The following PPP6R3 variants were observed in gnomAD, a reference collection of about 807,000 sequenced individuals.
The protein encoded by PPP6R3 is protein phosphatase 6 regulatory subunit 3.
In PPP6R3, 38 loss-of-function variants were observed where a neutral mutation model predicts 110.7. The observed-to-expected ratio is 0.34, with a 90% CI of 0.26 to 0.45. The LOEUF (loss-of-function observed/expected upper bound fraction) is 0.45. Among genes scored for constraint, PPP6R3 ranks in the 20% least tolerant of loss-of-function variants. The probability of loss-of-function intolerance (pLI) is 1.00; values close to 1 mark genes in which losing one functional copy is unlikely to be tolerated. For missense variants in PPP6R3, 870 were observed against 1,062.4 expected, an observed-to-expected ratio of 0.82 and a Z score of 2.52; for synonymous variants, 369 against 373.5, an observed-to-expected ratio of 0.99 and a Z score of 0.14.
At chr11:68,462,225 A>G (rs1463816293) in intron 1 of PPP6R3, among the ~76,000 whole-genome samples, 1 of 152,130 alleles carries the variant, frequency 6.6e-6, no homozygotes, top group East Asian at 1.9e-4. Context: ...TTTAGGTACT[A>G]TTGGGAAGTC....
At chr11:68,591,304 C>T (rs563150890) in intron 17 of PPP6R3, among the ~76,000 whole-genome samples, 15 of 152,258 alleles carry the variant, frequency 9.9e-5, no homozygotes, top group Admixed American at 4.6e-4. Flanking sequence ...GGGGAGGCTC[C>T]TGGGATTACA....
chr11:68,596,994 G>C (rs534891563), intron 19 of PPP6R3, among the ~76,000 whole-genome samples: 1 of 152,334 alleles, frequency 6.6e-6, no homozygotes, highest in East Asian at 1.9e-4. Context: ...CGGGATGGGA[G>C]AAGAAGAGAG....
intron 6 of PPP6R3, among the ~76,000 whole-genome samples, chr11:68,553,503 C>T (rs1470410215): frequency 3.3e-5 from 5 of 152,050 alleles, no homozygotes; most frequent in Non-Finnish European, 7.4e-5. Context: ...ATGTTGGTCA[C>T]ACTGGGCTCG....
intron 22 of PPP6R3, among the ~76,000 whole-genome samples, chr11:68,604,169 G>A (rs767967695): frequency 6.6e-6 from 1 of 152,180 alleles, no homozygotes; most frequent in Non-Finnish European, 1.5e-5. Context: ...ACTGACTGTA[G>A]ACTGATTTCA....
At chr11:68,506,397 A>C (rs12804176) in intron 1 of PPP6R3, among the ~76,000 whole-genome samples, 1 of 117,230 alleles carries the variant, frequency 8.5e-6, no homozygotes. Flanking sequence ...GAACTGCTGC[A>C]CCCAGCCCTT....
At chr11:68,532,629 C>G (rs2099247434) in intron 2 of PPP6R3, among the ~76,000 whole-genome samples, 1 of 152,188 alleles carries the variant, frequency 6.6e-6, no homozygotes, top group Non-Finnish European at 1.5e-5. Context: ...TTCCCGTCAC[C>G]TAATGACTGA....
chr11:68,544,119 A>C (rs963040467), intron 3 of PPP6R3, among the ~76,000 whole-genome samples: 1 of 152,186 alleles, frequency 6.6e-6, no homozygotes, highest in Admixed American at 6.5e-5. Flanking sequence ...TGGTTTTGAC[A>C]CAAGGTCTCA....
intron 8 of PPP6R3, among the ~76,000 whole-genome samples, chr11:68,559,472 G>C (rs981842939): frequency 3.9e-5 from 6 of 152,220 alleles, no homozygotes; most frequent in African/African-American, 1.4e-4. Context: ...CATTAAGCAA[G>C]GGATAGAGTG....
At chr11:68,611,046 CAAATT>C (rs773123071) in intron 23 of PPP6R3, among the ~76,000 whole-genome samples, 9 of 152,098 alleles carry the variant, frequency 5.9e-5, no homozygotes, top group Non-Finnish European at 1.0e-4. Flanking sequence ...ATAAAACAAA[CAAATT>C]AAGAACTATT....
chr11:68,590,693 T>C lies in PPP6R3; in HGVS notation c.1764T>C (p.Phe588=). The C allele has an allele frequency of 6.3e-7, 1 of 1,594,974 alleles. No homozygotes were observed. Among genetic ancestry groups the C allele is most frequent in the South Asian group, 1.1e-5 (1 of 88,800 alleles). The change falls in exon 17 of 24, where the codon TTT becomes TTC. Residue 588 remains phenylalanine, a synonymous_variant. Transcript: ENST00000393800. ...VSFDRVSDIN[F]TLNTNESGNI... is the part of the protein sequence containing the mutation. The stretch of plus-strand genomic sequence containing the variant: ...TTGATCGAGTATCAGACATCAACTT[T>C]ACTCTCAATACAAATGAAAGTGTAA...
chr11:68,527,931 T>A (rs1033019426), intron 2 of PPP6R3, among the ~76,000 whole-genome samples: 4 of 152,188 alleles, frequency 2.6e-5, no homozygotes, highest in African/African-American at 9.7e-5. Flanking sequence ...GCAGCTCCAT[T>A]CATCACCTCC....
At chr11:68,607,778 A>G (rs904868540) in intron 22 of PPP6R3, among the ~76,000 whole-genome samples, 2 of 146,378 alleles carry the variant, frequency 1.4e-5, no homozygotes, top group Admixed American at 6.8e-5. Context: ...TCTAATCTAG[A>G]TTTTTTTTTT....
At position 68,481,805 on chromosome 11, in the gene PPP6R3, T is replaced by A. The variant is rs183387379; in HGVS notation, c.-158+20978T>A. 5.3e-5 allele frequency among the ~76,000 whole-genome samples: 8 copies of A among 152,340 alleles called. No individual in the cohort carries two copies. The East Asian group carries it at 1.5e-3, about 29-fold the overall frequency. ...GAGGCAGGTGTGTCTTTATTTTGCT[T>A]GCTGAGTCCCTGCTATTAAATTGTC... On this transcript the variant is annotated intron_variant, in intron 1 of 23. Transcript: ENST00000393800.
intron 15 of PPP6R3, among the ~76,000 whole-genome samples, chr11:68,583,539 C>T (rs111359914): frequency 0.01 from 1,573 of 152,216 alleles, 12 homozygotes; most frequent in African/African-American, 0.013. Context: ...CACGAATACC[C>T]CTGATGTAAG....
chr11:68,609,378 A>G (rs1942136333), intron 22 of PPP6R3: 1 of 684,830 alleles, frequency 1.5e-6, no homozygotes, highest in African/African-American at 1.8e-5. Flanking sequence ...TGAGGCTTCC[A>G]GCCAGCAAGC....
chr11:68,585,430 T>G (rs2099575156), intron 15 of PPP6R3, among the ~76,000 whole-genome samples: 1 of 152,256 alleles, frequency 6.6e-6, no homozygotes, highest in Non-Finnish European at 1.5e-5. Context: ...TTAAAGTGGT[T>G]GGCTCACTTC....
chr11:68,540,205 C>T (rs988838485), intron 3 of PPP6R3, among the ~76,000 whole-genome samples: 10 of 152,154 alleles, frequency 6.6e-5, no homozygotes, highest in African/African-American at 2.2e-4. Context: ...GAATCTGCCC[C>T]GATATTCACA....
At chr11:68,499,124 T>C (rs959662054) in intron 1 of PPP6R3, among the ~76,000 whole-genome samples, 2 of 152,216 alleles carry the variant, frequency 1.3e-5, no homozygotes, top group African/African-American at 4.8e-5. Context: ...TTATCTTTTT[T>C]CTGTTTTTAT....
In PPP6R3 at chr11:68,472,148, G is replaced by A. The variant is rs138373076; in HGVS notation, c.-158+11321G>A. Among the ~76,000 whole-genome samples the A allele has an allele frequency of 7.1e-3, 1,084 of 152,276 alleles. 3 individuals are homozygous for A. The highest frequency in any genetic ancestry group is 0.014 in the Middle Eastern group (4 of 294). On this transcript the variant is annotated intron_variant, in intron 1 of 23. Transcript: ENST00000393800. ...GTAGGCATTGCTTCATTTAACTGGG[G>A]TTGTGGTTTCCCTAATCAGAAATAG...
Sources: allele counts gnomAD v4.1 joint callset (sites outside exome capture counted in the v4.1 genomes callset), GRCh38; gene constraint gnomAD v4.1.1; transcripts MANE v1.5; gene names NCBI Gene and HGNC (gene_info 2026-07-23, HGNC 2026-07-21).